The following SYNE2 variants were observed in gnomAD, a reference collection of about 807,000 sequenced individuals.
SYNE2 encodes the protein spectrin repeat containing nuclear envelope protein 2, also known as nesprin-2.
In SYNE2, 431 loss-of-function variants were observed where a neutral mutation model predicts 856.3. The ratio of observed to expected loss-of-function variants is 0.50; its 90% CI spans 0.47 to 0.55. SYNE2 has a LOEUF of 0.55. SYNE2 is among the 20% of genes least tolerant of loss of function. SYNE2 has a pLI of 0.00. For synonymous variants in SYNE2, 2,923 were observed against 2,872.3 expected (o/e 1.02, Z -0.56); for missense variants, 8,129 against 8,023.2 (o/e 1.01, Z -0.50).
intron 6 of SYNE2, among the ~76,000 whole-genome samples, chr14:63,942,896 G>T (rs1384081281): frequency 6.6e-6 from 1 of 152,166 alleles, no homozygotes; most frequent in Non-Finnish European, 1.5e-5. Context: ...CTCCCAAAGT[G>T]CAGGGATTAC....
intron 11 of SYNE2, among the ~76,000 whole-genome samples, chr14:63,970,651 CTTTTTTTTTT>C (rs61126600): frequency 5.1e-5 from 5 of 98,888 alleles, no homozygotes; most frequent in Non-Finnish European, 5.7e-5. Flanking sequence ...TTTCTTTTTT[CTTTTTTTTTT>C]TTTTTTTTTT....
At chr14:63,813,750 C>T (rs1014868853) in intron 1 of SYNE2, among the ~76,000 whole-genome samples, 3 of 152,038 alleles carry the variant, frequency 2.0e-5, no homozygotes, top group African/African-American at 4.8e-5. Context: ...GGTGAAACTC[C>T]GTCTCTACTA....
Position 63,781,960 on chromosome 14 carries a change from G to A in SYNE2, c.-305+19974G>A, listed in dbSNP as rs575162621. ...AAGCTGGAGACCAACCTGGGCAACA[G>A]AGCGAGACCCTGTCTAAGAAGAAAA... On this transcript the variant is annotated intron_variant, in intron 1 of 23. Transcript: ENST00000674003. 2.0e-5 allele frequency among the ~76,000 whole-genome samples: 3 copies of A among 151,858 alleles called. No individual in the cohort carries two copies. The South Asian group carries it at 6.2e-4, about 32-fold the overall frequency.
chr14:64,014,174 T>C (rs1188008522), intron 32 of SYNE2, among the ~76,000 whole-genome samples: 3 of 152,194 alleles, frequency 2.0e-5, no homozygotes, highest in African/African-American at 7.2e-5. Flanking sequence ...TCTGTGGAGA[T>C]TCATTCAGGT....
chr14:64,049,409 G>A (rs2097208112), intron 46 of SYNE2: 1 of 186,958 alleles, frequency 5.3e-6, no homozygotes. Flanking sequence ...ATTGCACCCT[G>A]CACTCCAGCC....
At chr14:64,081,694 AC>A in intron 57 of SYNE2, 114 bp downstream of exon 57, 1 of 1,221,872 alleles carries the variant, frequency 8.2e-7, no homozygotes, top group Non-Finnish European at 1.2e-6. Flanking sequence ...CTTACCGCTA[AC>A]CATGTCAGTG....
chr14:64,165,327 T>A lies in SYNE2; in HGVS notation c.16522T>A (p.Ser5508Thr), dbSNP rs35190322. ...QFKDFGVRLE[S>T]LKGLIMHEEE... Reference sequence around the variant, plus strand: ...TAAGGATTTTGGAGTCCGGCTGGAATCTTTAAAAGGTCTTATTATGCATGA... The same window carrying A: ...TAAGGATTTTGGAGTCCGGCTGGAAACTTTAAAAGGTCTTATTATGCATGA... The change falls in exon 90 of 116, where the codon TCT (serine) becomes ACT (threonine). Residue 5508 changes from serine to threonine, a missense_variant. Coordinates refer to ENST00000555002, the MANE Select transcript of SYNE2 (RefSeq NM_182914.3). 1,532 of 1,614,042 alleles carry A rather than the reference T, an allele frequency of 9.5e-4. 14 individuals carry two copies. The African/African-American group carries it at 0.019, about 20-fold the overall frequency.
chr14:63,969,796 T>C (rs962864011), intron 11 of SYNE2, among the ~76,000 whole-genome samples: 1 of 152,208 alleles, frequency 6.6e-6, no homozygotes, highest in African/African-American at 2.4e-5. Context: ...GTTCACATTA[T>C]CTGTGTCTTG....
In SYNE2 at chr14:64,007,062, C is replaced by G. The variant is rs979517611; in HGVS notation, c.4417C>G (p.Leu1473Val). The change falls in exon 31 of 116, where the codon CTG becomes GTG. Residue 1473 changes from leucine to valine, a missense_variant. By Grantham distance (32) the Leu-to-Val change is conservative. This residue lies in a region of SYNE2 where 2,422 missense variants were observed against 2,357.4 expected (regional missense o/e 1.03). Transcript: ENST00000555002. ...VKHRKKSLIR[L>V]DKVLDEYEEE... ...ATCAAGGAAAAAATCATTAATCAGACTGGATAAGGTTCTAGATGAATATGA... is the reference window on the plus strand; with the variant it reads ...ATCAAGGAAAAAATCATTAATCAGAGTGGATAAGGTTCTAGATGAATATGA... The G allele has an allele frequency of 1.4e-5, 23 of 1,613,250 alleles. No homozygotes were observed. The highest frequency in any genetic ancestry group is 1.9e-5 in the Non-Finnish European group (22 of 1,179,430).
intron 99 of SYNE2, among the ~76,000 whole-genome samples, chr14:64,192,753 G>A (rs377417486): frequency 2.0e-5 from 3 of 152,158 alleles, no homozygotes; most frequent in Admixed American, 6.5e-5. Context: ...AGCATGTGAC[G>A]TAACCAGGAT....
Position 64,038,211 on chromosome 14 carries a change from G to A in SYNE2, c.7221+6854G>A, listed in dbSNP as rs1303376822. Among the ~76,000 whole-genome samples, 6 of 151,864 alleles carry A rather than the reference G, an allele frequency of 4.0e-5. No individual in the cohort carries two copies. The East Asian group carries it at 5.8e-4, about 15-fold the overall frequency. The stretch of plus-strand genomic sequence containing the variant: ...CCCACATCTCAGACGATGGGCGGCC[G>A]GGCAGAGACGCTCCTCACTTCCTAG... On this transcript the variant is annotated intron_variant, in intron 45 of 115. Coordinates refer to ENST00000555002, the MANE Select transcript of SYNE2 (RefSeq NM_182914.3).
Position 63,960,790 on chromosome 14 carries a change from G to C in SYNE2, c.788-735G>C, listed in dbSNP as rs751321433. The C allele has an allele frequency of 9.2e-6, 7 of 762,932 alleles. No homozygotes were observed. The South Asian group carries it at 9.5e-5, about 10-fold the overall frequency. 47.3% of individuals were successfully genotyped at this position (762,932 alleles called of 1,614,324 possible). Reference sequence around the variant, plus strand: ...ATTTATATGCCTGGCACAGTGTCTTGTGCCAGCTACTTGTGAGGCTGAGAT... The same window carrying C: ...ATTTATATGCCTGGCACAGTGTCTTCTGCCAGCTACTTGTGAGGCTGAGAT... On this transcript the variant is annotated intron_variant, in intron 8 of 115. Transcript: ENST00000555002.
In SYNE2 at chr14:64,186,485, C is replaced by G; in HGVS notation, c.17618C>G (p.Ala5873Gly). The G allele has an allele frequency of 6.2e-7, 1 of 1,614,196 alleles. No homozygotes were observed. ...TTGAAAGAACTTCAAACTATGAAGGCGGACTTAACCCGGCACGTTCTCGTG... is the reference window on the plus strand; with the variant it reads ...TTGAAAGAACTTCAAACTATGAAGGGGGACTTAACCCGGCACGTTCTCGTG... ...QNLKELQTMK[A>G]DLTRHVLVED... is the part of the protein sequence containing the mutation. The change falls in exon 97 of 116, where the codon GCG (alanine) becomes GGG (glycine). Residue 5873 changes from alanine to glycine, a missense_variant. Transcript: ENST00000555002.
At chr14:63,870,473 A>AT (rs1235668895) in intron 1 of SYNE2, among the ~76,000 whole-genome samples, 8 of 129,558 alleles carry the variant, frequency 6.2e-5, no homozygotes, top group African/African-American at 2.4e-4. Context: ...TATATGATTC[A>AT]TTTCTGACTG....
intron 1 of SYNE2, among the ~76,000 whole-genome samples, chr14:63,845,159 T>C (rs1890185924): frequency 6.6e-6 from 1 of 152,258 alleles, no homozygotes; most frequent in South Asian, 2.1e-4. Context: ...CTCATGTCTG[T>C]AATCCCAGCA....
intron 60 of SYNE2, among the ~76,000 whole-genome samples, chr14:64,093,103 G>A (rs1567272665): frequency 6.6e-6 from 1 of 152,162 alleles, no homozygotes; most frequent in Non-Finnish European, 1.5e-5. Context: ...GAGCAAAGGT[G>A]TGTCCAGTGA....
At chr14:63,813,017 G>A (rs978366941) in intron 1 of SYNE2, among the ~76,000 whole-genome samples, 7 of 152,114 alleles carry the variant, frequency 4.6e-5, no homozygotes, top group African/African-American at 1.7e-4. Flanking sequence ...GATACTTTGG[G>A]GACCTCAAGA....
At chr14:64,016,404 T>C (rs373309202) in intron 32 of SYNE2, 69 bp from the exon 33 acceptor site, 11 of 1,056,070 alleles carry the variant, frequency 1.0e-5, no homozygotes, top group East Asian at 2.6e-5. Context: ...TATCCAACAA[T>C]AGAATTGTGA....
Position 64,078,483 on chromosome 14 carries a change from A to G in SYNE2, c.11040A>G (p.Leu3680=). Residue 3680 remains leucine (L), a synonymous_variant, in exon 55 of 116, where the codon TTA becomes TTG. Coordinates refer to ENST00000555002, the MANE Select transcript of SYNE2 (RefSeq NM_182914.3). ...DIDEKISNEV[L]KSSPSYAMRR... ...TTTCACAGATTAGCAATGAAGTCTTAAAAAGCTCACCATCATATGCAATGA... is the reference window on the plus strand; with the variant it reads ...TTTCACAGATTAGCAATGAAGTCTTGAAAAGCTCACCATCATATGCAATGA... The G allele has an allele frequency of 6.2e-7, 1 of 1,614,120 alleles. No individual in the cohort carries two copies. The highest frequency in any genetic ancestry group is 1.3e-5 in the African/African-American group (1 of 75,076).
Sources: gnomAD v4.1 joint callset for allele counts (sites outside exome capture counted in the v4.1 genomes callset) on GRCh38, gnomAD v4.1.1 for gene constraint, gnomAD v4.1.1 regional missense constraint, MANE v1.5 for transcripts, NCBI Gene and HGNC (gene_info 2026-07-23, HGNC 2026-07-21) for gene names.